Variants in PREX1 observed in about 807,000 individuals in gnomAD.
PREX1 encodes phosphatidylinositol 3,4,5-trisphosphate-dependent Rac exchanger 1 protein.
A neutral mutation model predicts 198.3 loss-of-function variants in PREX1; 41 were observed. That is an observed-to-expected ratio of 0.21 (90% CI 0.16 to 0.27). The LOEUF (loss-of-function observed/expected upper bound fraction) is 0.27, where lower values mean the gene tolerates loss of function less well. Among genes scored for constraint, PREX1 ranks in the 10% least tolerant of loss-of-function variants. The pLI, the probability that PREX1 is intolerant of heterozygous loss-of-function variation, is 1.00. For synonymous variants in PREX1, 843 were observed against 887.2 expected, an observed-to-expected ratio of 0.95 and a Z score of 0.89; for missense variants, 1,620 against 2,200.7, an observed-to-expected ratio of 0.74 and a Z score of 5.28.
intron 11 of PREX1, among the ~76,000 whole-genome samples, chr20:48,680,966 A>G (rs1392147911): frequency 6.6e-6 from 1 of 152,120 alleles, no homozygotes; most frequent in Non-Finnish European, 1.5e-5. Context: ...GAATAACTAA[A>G]ACTTAACCAA....
chr20:48,637,448 C>T (rs2089373546), intron 31 of PREX1, among the ~76,000 whole-genome samples: 1 of 152,250 alleles, frequency 6.6e-6, no homozygotes, highest in African/African-American at 2.4e-5. Context: ...CGGCACAAGG[C>T]CCCCTAACAT....
chr20:48,838,795 A>G, the PREX1 span, among the ~76,000 whole-genome samples: 1 of 152,058 alleles, frequency 6.6e-6, no homozygotes, highest in African/African-American at 2.4e-5. Context: ...TGGGAGGTGG[A>G]GGCTGCTGGA....
chr20:48,818,062 C>T (rs531345670), intron 1 of PREX1, among the ~76,000 whole-genome samples: 1 of 152,158 alleles, frequency 6.6e-6, no homozygotes, highest in Non-Finnish European at 1.5e-5. Context: ...TGAGCAAAGG[C>T]CTGAAGGAGG....
rs147406170 is a variant in PREX1, at chr20:48,643,089, C to A, written c.3602-600G>T. The stretch of plus-strand genomic sequence containing the variant: ...TGGGGGGGAGACTTGTCACCATGCA[C>A]CCTCCGGGGCCTTCTGAATTATGTA... On this transcript the variant is annotated intron_variant, in intron 27 of 39. Transcript: ENST00000371941. Among the ~76,000 whole-genome samples the A allele has an allele frequency of 1.6e-3, 250 of 152,336 alleles. 2 individuals are homozygous for A. The highest frequency in any genetic ancestry group is 5.7e-3 in the African/African-American group (236 of 41,572).
intron 1 of PREX1, among the ~76,000 whole-genome samples, chr20:48,812,198 A>G (rs1250491206): frequency 6.6e-6 from 1 of 152,276 alleles, no homozygotes; most frequent in Non-Finnish European, 1.5e-5. Flanking sequence ...ATGCAGATGG[A>G]CTGTCATTGT....
At chr20:48,662,868 C>T (rs540500856) in intron 15 of PREX1, among the ~76,000 whole-genome samples, 1 of 152,298 alleles carries the variant, frequency 6.6e-6, no homozygotes, top group South Asian at 2.1e-4. Flanking sequence ...GGAGTCACCA[C>T]CCAGCAGAAT....
chr20:48,657,010 C>G, intron 18 of PREX1, 30 bp downstream of exon 18: 1 of 1,558,640 alleles, frequency 6.4e-7, no homozygotes, highest in South Asian at 1.2e-5. Context: ...AGAGGGAGGG[C>G]TGCCGGACAC....
chr20:48,716,534 A>T (rs1338972530), intron 5 of PREX1, among the ~76,000 whole-genome samples: 1 of 152,188 alleles, frequency 6.6e-6, no homozygotes, highest in Non-Finnish European at 1.5e-5. Context: ...GGCCCAGGAG[A>T]GGACTGGGGG....
intron 1 of PREX1, among the ~76,000 whole-genome samples, chr20:48,772,289 T>C (rs2090239762): frequency 6.6e-6 from 1 of 152,262 alleles, no homozygotes; most frequent in Non-Finnish European, 1.5e-5. Flanking sequence ...TCCAGAAAGC[T>C]GGGCCAGGTT....
At chr20:48,813,382 G>A (rs143073352) in intron 1 of PREX1, among the ~76,000 whole-genome samples, 4 of 152,330 alleles carry the variant, frequency 2.6e-5, no homozygotes, top group East Asian at 1.9e-4. Context: ...AATACAATGC[G>A]TGATCCAGGA....
chr20:48,658,086 C>A (rs1383251206), intron 17 of PREX1, 50 bp downstream of exon 17: 1 of 1,558,690 alleles, frequency 6.4e-7, no homozygotes, highest in Non-Finnish European at 8.7e-7. Context: ...GAGAGACACC[C>A]CGCTCTGCCA....
the PREX1 span, among the ~76,000 whole-genome samples, chr20:48,878,167 C>T: frequency 6.6e-6 from 1 of 152,064 alleles, no homozygotes; most frequent in African/African-American, 2.4e-5. Context: ...CAACATGCAC[C>T]CTGCCCCAAC....
chr20:48,781,376 G>A (rs113139453), intron 1 of PREX1, among the ~76,000 whole-genome samples: 4,577 of 152,244 alleles, frequency 0.03, 118 homozygotes, highest in African/African-American at 0.069. Flanking sequence ...CAAGTTTTCT[G>A]TAAGCCTACA....
chr20:48,645,201 T>C (rs562289265), intron 26 of PREX1, among the ~76,000 whole-genome samples: 12 of 152,194 alleles, frequency 7.9e-5, no homozygotes, highest in Non-Finnish European at 1.6e-4. Context: ...TCTCAAACTG[T>C]ATCAGTTCTG....
the PREX1 span, among the ~76,000 whole-genome samples, chr20:48,862,414 A>G: frequency 6.6e-6 from 1 of 152,080 alleles, no homozygotes; most frequent in Non-Finnish European, 1.5e-5. Context: ...CACCATGCAT[A>G]TTATTTCATT....
the PREX1 span, among the ~76,000 whole-genome samples, chr20:48,864,916 G>A: frequency 6.6e-6 from 1 of 152,164 alleles, no homozygotes; most frequent in South Asian, 2.1e-4. Flanking sequence ...TTAAATCCCT[G>A]GTGACACATG....
intron 1 of PREX1, among the ~76,000 whole-genome samples, chr20:48,761,236 C>T (rs1306440607): frequency 1.3e-5 from 2 of 152,338 alleles, no homozygotes; most frequent in African/African-American, 2.4e-5. Flanking sequence ...CTATCGAAAA[C>T]GTCTATCCCT....
At chr20:48,647,519 C>CAA (rs765244255) in intron 25 of PREX1, among the ~76,000 whole-genome samples, 1,113 of 48,302 alleles carry the variant, frequency 0.023, 46 homozygotes, top group South Asian at 0.047. Flanking sequence ...GACAACATCT[C>CAA]AAAAAAAAAA....
intron 7 of PREX1, among the ~76,000 whole-genome samples, chr20:48,699,284 G>C (rs542579037): frequency 1.6e-4 from 25 of 152,344 alleles, no homozygotes; most frequent in Admixed American, 5.9e-4. Context: ...TCTAGTCTTT[G>C]CTAGACAGAG....
Sources: allele counts gnomAD v4.1 joint callset (sites outside exome capture counted in the v4.1 genomes callset), GRCh38; gene constraint gnomAD v4.1.1; transcripts MANE v1.5; gene names NCBI Gene and HGNC (gene_info 2026-07-23, HGNC 2026-07-21).